SRPX2: variants seen among roughly 807,000 people sequenced by gnomAD.
The protein encoded by SRPX2 is sushi repeat-containing protein SRPX2.
Under a neutral mutation model 45.3 loss-of-function variants are expected in SRPX2, and 26 were observed. The observed-to-expected ratio is 0.57, with a 90% CI of 0.42 to 0.80. The LOEUF (loss-of-function observed/expected upper bound fraction) is 0.80, where lower values mean the gene tolerates loss of function less well. SRPX2 is among the 30% of genes least tolerant of loss of function. The pLI is 0.00. For missense variants in SRPX2, 355 were observed against 399.8 expected, an observed-to-expected ratio of 0.89 and a Z score of 0.95; for synonymous variants, 125 against 143.7, an observed-to-expected ratio of 0.87 and a Z score of 0.93.
chrX:100,657,349 C>CTTTTTTTTTTTTTT lies in SRPX2; in HGVS notation c.164-4821_164-4808dup, dbSNP rs1163232018. ...CCTGGCCGGCATCTGTTATTTATGTCTTTTTTTTTTTTTTTTTTTGAGACA... is the reference window on the plus strand; with the variant it reads ...CCTGGCCGGCATCTGTTATTTATGTCTTTTTTTTTTTTTTTTTTTTTTTTTTTTTTTTTGAGACA... On this transcript the variant is annotated intron_variant, in intron 3 of 10. Transcript: ENST00000373004. Among the ~76,000 whole-genome samples the CTTTTTTTTTTTTTT allele has an allele frequency of 4.9e-4, 14 of 28,412 alleles. 4 individuals carry two copies. The East Asian group carries it at 6.1e-3, about 12-fold the overall frequency. The allele number at this position is 28,412 out of a possible 115,157, so 24.7% of individuals were successfully genotyped here. A position where few individuals can be genotyped will look rare whatever the true frequency, so the allele number is the denominator to read the frequency against.
chrX:100,648,733 C>G (rs956564173), intron 2 of SRPX2, among the ~76,000 whole-genome samples: 4 of 112,147 alleles, frequency 3.6e-5, no homozygotes, highest in Non-Finnish European at 5.6e-5. Flanking sequence ...TTCCTACATC[C>G]CTTGTAATTC....
chrX:100,661,048 T>C (rs1388587134), intron 3 of SRPX2: 1 of 112,194 alleles, frequency 8.9e-6, no homozygotes, highest in Non-Finnish European at 1.9e-5. Context: ...AAGGTAGGTG[T>C]TACCTTTATA....
rs1014620496 is a variant in SRPX2, at chrX:100,672,858, A to G, written c.*1871A>G. 2 of 112,139 alleles carry G rather than the reference A, an allele frequency of 1.8e-5. No homozygotes were observed. The highest frequency in any genetic ancestry group is 1.9e-5 in the Non-Finnish European group (1 of 53,281). 9.2% of individuals were successfully genotyped at this position (112,139 alleles called of 1,213,427 possible). On this transcript the variant is annotated 3_prime_UTR_variant, in exon 11 of 11. Coordinates refer to ENST00000373004, the MANE Select transcript of SRPX2 (RefSeq NM_014467.3). Reference sequence around the variant, plus strand: ...TGAGCCCAGAACAAATTGGGGGAGCAGTGAGTCAGAGAGAATCTCCTTCCA... The same window carrying G: ...TGAGCCCAGAACAAATTGGGGGAGCGGTGAGTCAGAGAGAATCTCCTTCCA...
chrX:100,662,019 A>C (rs1387235874), intron 3 of SRPX2, 157 bp from the exon 4 acceptor site: 34 of 399,122 alleles, frequency 8.5e-5, no homozygotes, highest in African/African-American at 7.2e-4. Flanking sequence ...TCTTCCACTT[A>C]ATTGTTTTTG....
At position 100,670,880 on chromosome X, in the gene SRPX2, T is replaced by C. The variant is rs1271955001; in HGVS notation, c.1291T>C (p.Tyr431His). The change falls in exon 11 of 11, where the codon TAC (tyrosine) becomes CAC (histidine). Residue 431 changes from tyrosine to histidine, a missense_variant. Transcript: ENST00000373004. ...IDKQGIDRDR[Y>H]MEPVTPEEIF... The stretch of plus-strand genomic sequence containing the variant: ...CAAGCAGGGTATTGACCGAGACCGC[T>C]ACATGGAACCTGTCACCCCCGAGGA... 8 of 1,211,556 alleles carry C rather than the reference T, an allele frequency of 6.6e-6. No individual in the cohort carries two copies. The highest frequency in any genetic ancestry group is 8.9e-6 in the Non-Finnish European group (8 of 895,497).
chrX:100,651,357 G>C (rs2281328), intron 3 of SRPX2, among the ~76,000 whole-genome samples: 11,626 of 110,834 alleles, frequency 0.1, 451 homozygotes, highest in South Asian at 0.13. Context: ...ACCAGAAAGG[G>C]GAGGGGAGAG....
chrX:100,646,477 G>A lies in SRPX2; in HGVS notation c.82+73G>A, dbSNP rs780633768. 18 of 944,269 alleles carry A rather than the reference G, an allele frequency of 1.9e-5. 1 individual carries two copies. Among genetic ancestry groups the A allele is most frequent in the Non-Finnish European group, 2.7e-5 (18 of 658,274 alleles). The allele number at this position is 944,269 out of a possible 1,213,427, so 77.8% of individuals were successfully genotyped here. ...TAGACCAAGACTTGGAGAAGGAAGA[G>A]TTAGACTACAAAAAGAGACACTTAT... On this transcript the variant is annotated intron_variant, in intron 2 of 10. Coordinates refer to ENST00000373004, the MANE Select transcript of SRPX2 (RefSeq NM_014467.3).
chrX:100,661,933 G>GT lies in SRPX2; in HGVS notation c.164-217dup, dbSNP rs771852530. ...GGTGTGAGACTTAGGTCGAGGTGGG[G>GT]TTTTTTTTTTTTTTTTTTTTTTTTT... On this transcript the variant is annotated intron_variant, in intron 3 of 10. Transcript: ENST00000373004. Among the ~76,000 whole-genome samples the GT allele has an allele frequency of 0.046, 2,739 of 59,647 alleles. 319 individuals are homozygous for GT. Among genetic ancestry groups the GT allele is most frequent in the African/African-American group, 0.059 (826 of 14,079 alleles). The allele number at this position is 59,647 out of a possible 115,157, so 51.8% of individuals were successfully genotyped here.
chrX:100,666,788 C>T lies in SRPX2; in HGVS notation c.816C>T (p.His272=), dbSNP rs151294854. The T allele has an allele frequency of 1.5e-5, 18 of 1,210,892 alleles. No homozygotes were observed. Among genetic ancestry groups the T allele is most frequent in the Admixed American group, 6.5e-5 (3 of 45,911 alleles). The change falls in exon 8 of 11, where the codon CAC becomes CAT. Residue 272 remains histidine (H), a synonymous_variant. Transcript: ENST00000373004. Reference sequence around the variant, plus strand: ...GCCCAACTCTGAAACCTCCGCAGCACGGCTACCTCACCTGCACCTCAGCGG... The same window carrying T: ...GCCCAACTCTGAAACCTCCGCAGCATGGCTACCTCACCTGCACCTCAGCGG... The part of the protein sequence containing the change: ...RRCPTLKPPQ[H]GYLTCTSAGD...
chrX:100,660,475 G>GT (rs1658903529), intron 3 of SRPX2, among the ~76,000 whole-genome samples: 1 of 112,214 alleles, frequency 8.9e-6, no homozygotes, highest in Non-Finnish European at 1.9e-5. Context: ...GTTGTTGCAT[G>GT]TATCAGCACT....
chrX:100,655,621 C>T (rs41292472), intron 3 of SRPX2, among the ~76,000 whole-genome samples: 4,222 of 110,627 alleles, frequency 0.038, 113 homozygotes, highest in Non-Finnish European at 0.064. Context: ...TCAGCTCTAC[C>T]CCTTACTTGC....
In SRPX2 at chrX:100,664,881, C is replaced by T; in HGVS notation, c.463C>T (p.Leu155=). The stretch of plus-strand genomic sequence containing the variant: ...CTACAGCTGTTCCAGTGGCTACCAC[C>T]TGGAAGGTGATCGCAGCCGAATCTG... ...CDYSCSSGYH[L]EGDRSRICME... Residue 155 remains leucine, a synonymous_variant, in exon 5 of 11, where the codon CTG becomes TTG. Transcript: ENST00000373004. 1 of 1,210,925 alleles carries T rather than the reference C, an allele frequency of 8.3e-7. No homozygotes were observed. Among genetic ancestry groups the T allele is most frequent in the Non-Finnish European group, 1.1e-6 (1 of 895,220 alleles).
chrX:100,661,512 C>T (rs1245142395), intron 3 of SRPX2, among the ~76,000 whole-genome samples: 2 of 112,564 alleles, frequency 1.8e-5, no homozygotes, highest in East Asian at 5.5e-4. Flanking sequence ...TGGCTCACGC[C>T]TGTAATCGCA....
At chrX:100,656,857 G>A (rs183500018) in intron 3 of SRPX2, among the ~76,000 whole-genome samples, 4 of 110,949 alleles carry the variant, frequency 3.6e-5, no homozygotes, top group South Asian at 3.9e-4. Flanking sequence ...TGAATCATAC[G>A]GTAGTGCTAG....
At position 100,665,250 on chromosome X, in the gene SRPX2, T is replaced by TC. The variant is rs1443386831; in HGVS notation, c.546dup (p.Lys183GlnfsTer9). On this transcript the variant is annotated frameshift_variant, in exon 6 of 11. Coordinates refer to ENST00000373004, the MANE Select transcript of SRPX2 (RefSeq NM_014467.3). LOFTEE classifies it high-confidence loss of function. ...GATTTTTCATCTTGGCAGACATAGATCCCCCCAAGATCCGCTGTCCCCACT... is the reference window on the plus strand; with the variant it reads ...GATTTTTCATCTTGGCAGACATAGATCCCCCCCAAGATCCGCTGTCCCCACT... 1 of 1,208,936 alleles carries TC rather than the reference T, an allele frequency of 8.3e-7. No homozygotes were observed. Among genetic ancestry groups the TC allele is most frequent in the South Asian group, 1.8e-5 (1 of 56,225 alleles).
intron 8 of SRPX2, 135 bp downstream of exon 8, chrX:100,667,068 A>G: frequency 1.0e-6 from 1 of 996,321 alleles, no homozygotes; most frequent in Admixed American, 2.6e-5. Context: ...TCTAATTTAA[A>G]GGCCAACATT....
chrX:100,660,171 G>A (rs1343364155), intron 3 of SRPX2, among the ~76,000 whole-genome samples: 1 of 111,203 alleles, frequency 9.0e-6, no homozygotes, highest in Non-Finnish European at 1.9e-5. Context: ...CATACATACA[G>A]AAAAACTCAC....
rs962218701 is a variant in SRPX2 at position 100,665,228 on chromosome X, T to C, written c.533-15T>C. 1 of 1,209,169 alleles carries C rather than the reference T, an allele frequency of 8.3e-7. No individual in the cohort carries two copies. The highest frequency in any genetic ancestry group is 1.7e-5 in the African/African-American group (1 of 57,728). On this transcript the variant is annotated splice_polypyrimidine_tract_variant and intron_variant, in intron 5 of 10. Coordinates refer to ENST00000373004, the MANE Select transcript of SRPX2 (RefSeq NM_014467.3). ...AGGGGCCCACGAGTCAGCACTTGAT[T>C]TTTCATCTTGGCAGACATAGATCCC...
chrX:100,665,415 C>T (rs202109375), intron 6 of SRPX2, 46 bp downstream of exon 6: 1 of 1,206,756 alleles, frequency 8.3e-7, no homozygotes, highest in Non-Finnish European at 1.1e-6. Context: ...CTCGGCTTCT[C>T]TCAGTCATTC....
Sources: allele counts gnomAD v4.1 joint callset (sites outside exome capture counted in the v4.1 genomes callset), GRCh38; gene constraint gnomAD v4.1.1; transcripts MANE v1.5; gene names NCBI Gene and HGNC (gene_info 2026-07-23, HGNC 2026-07-21).